Variants in AFF3 observed in about 807,000 individuals in gnomAD.
AFF3 encodes ALF transcription elongation factor 3, also known as AF4/FMR2 family member 3.
In AFF3, 32 loss-of-function variants were observed where a neutral mutation model predicts 129.7. That is an observed-to-expected ratio of 0.25 (90% CI 0.19 to 0.33). AFF3 has a LOEUF of 0.33. Among genes scored for constraint, AFF3 ranks in the 10% least tolerant of loss-of-function variants. The pLI is 1.00. For synonymous variants in AFF3, 644 were observed against 635.4 expected, an observed-to-expected ratio of 1.01 and a Z score of -0.20; for missense variants, 1,373 against 1,592.0, an observed-to-expected ratio of 0.86 and a Z score of 2.34.
intron 10 of AFF3, among the ~76,000 whole-genome samples, chr2:99,733,756 C>T (rs1020012546): frequency 6.6e-6 from 1 of 152,118 alleles, no homozygotes; most frequent in Admixed American, 6.6e-5. Flanking sequence ...TTTTCATACG[C>T]CTGTGGATCT....
chr2:100,046,173 G>A (rs1297728479), intron 4 of AFF3, among the ~76,000 whole-genome samples: 2 of 152,174 alleles, frequency 1.3e-5, no homozygotes, highest in African/African-American at 2.4e-5. Context: ...TGTAAGGCAT[G>A]TACTTAGCTG....
At chr2:99,706,772 A>G (rs1677435971) in intron 11 of AFF3, among the ~76,000 whole-genome samples, 1 of 152,232 alleles carries the variant, frequency 6.6e-6, no homozygotes, top group Admixed American at 6.5e-5. Flanking sequence ...CCAAACAACT[A>G]CAGAAATGAG....
chr2:99,557,021 T>C (rs1295300463), intron 22 of AFF3, among the ~76,000 whole-genome samples: 2 of 152,098 alleles, frequency 1.3e-5, no homozygotes, highest in Non-Finnish European at 1.5e-5. Flanking sequence ...TAATGATATA[T>C]AGTATACTTG....
At chr2:99,929,050 T>C (rs1696485708) in intron 7 of AFF3, among the ~76,000 whole-genome samples, 1 of 152,206 alleles carries the variant, frequency 6.6e-6, no homozygotes, top group African/African-American at 2.4e-5. Flanking sequence ...ATCAGTTTAA[T>C]ACATTTTGGA....
chr2:99,991,152 G>T (rs1442129631), intron 7 of AFF3, among the ~76,000 whole-genome samples: 1 of 152,178 alleles, frequency 6.6e-6, no homozygotes. Flanking sequence ...GGGATTAACA[G>T]AGAAAGGTAA....
intron 7 of AFF3, among the ~76,000 whole-genome samples, chr2:99,991,362 T>C (rs1680319033): frequency 6.7e-6 from 1 of 149,126 alleles, no homozygotes; most frequent in Non-Finnish European, 1.5e-5. Context: ...TCTCTTGTAA[T>C]CTGCGCAGAA....
At chr2:99,993,654 G>A (rs1680560833) in intron 7 of AFF3, among the ~76,000 whole-genome samples, 1 of 151,794 alleles carries the variant, frequency 6.6e-6, no homozygotes, top group African/African-American at 2.4e-5. Context: ...AGTGAATGTA[G>A]CTAAAAATAC....
At chr2:99,789,298 T>TG (rs1026616788) in intron 8 of AFF3, among the ~76,000 whole-genome samples, 3 of 151,814 alleles carry the variant, frequency 2.0e-5, no homozygotes, top group African/African-American at 7.3e-5. Context: ...TGGCAGTGCA[T>TG]GTAGCTGGGC....
intron 10 of AFF3, among the ~76,000 whole-genome samples, chr2:99,738,351 T>C (rs76421338): frequency 1.3e-5 from 2 of 152,288 alleles, no homozygotes; most frequent in Non-Finnish European, 2.9e-5. Context: ...TTCAACTTTA[T>C]ATTCAACGTT....
intron 13 of AFF3, among the ~76,000 whole-genome samples, chr2:99,609,788 C>T (rs1680741898): frequency 6.6e-6 from 1 of 152,172 alleles, no homozygotes; most frequent in African/African-American, 2.4e-5. Flanking sequence ...ATACCAAAAC[C>T]AGAAAACTGA....
At chr2:99,795,846 C>T (rs1046845229) in intron 8 of AFF3, among the ~76,000 whole-genome samples, 1 of 151,984 alleles carries the variant, frequency 6.6e-6, no homozygotes, top group Non-Finnish European at 1.5e-5. Flanking sequence ...GCACCTCATG[C>T]TATTCTATTA....
At position 99,565,473 on chromosome 2, in the gene AFF3, A is replaced by G. The variant is rs760095997; in HGVS notation, c.3119+14T>C. On this transcript the variant is annotated intron_variant, in intron 20 of 24. Coordinates refer to ENST00000672756, the MANE Select transcript of AFF3 (RefSeq NM_001386135.1). The stretch of plus-strand genomic sequence containing the variant: ...CACTCCTCCCCTCATCCAGCAAGAA[A>G]ACACGGTGCTTACCTGATGAGCTCT... The G allele has an allele frequency of 1.2e-6, 2 of 1,609,054 alleles. No homozygotes were observed. The highest frequency in any genetic ancestry group is 3.3e-5 in the Admixed American group (2 of 59,942).
At chr2:99,693,063 T>C (rs1675838626) in intron 11 of AFF3, among the ~76,000 whole-genome samples, 1 of 152,226 alleles carries the variant, frequency 6.6e-6, no homozygotes, top group Admixed American at 6.5e-5. Context: ...TTCCAGGGCA[T>C]TGCATAGAAT....
At chr2:99,652,898 C>T (rs1457421749) in intron 12 of AFF3, among the ~76,000 whole-genome samples, 1 of 152,182 alleles carries the variant, frequency 6.6e-6, no homozygotes, top group Non-Finnish European at 1.5e-5. Context: ...TACTGATCTT[C>T]TTGATAAGGA....
intron 2 of AFF3, among the ~76,000 whole-genome samples, chr2:100,112,699 A>G (rs532974462): frequency 6.6e-6 from 1 of 152,186 alleles, no homozygotes; most frequent in South Asian, 2.1e-4. Context: ...CCAATGGAAG[A>G]AAAAAAGAAA....
chr2:99,783,772 T>C (rs182188111), intron 8 of AFF3, among the ~76,000 whole-genome samples: 5 of 152,342 alleles, frequency 3.3e-5, no homozygotes, highest in African/African-American at 9.6e-5. Flanking sequence ...TGAAGGTATA[T>C]ATCCAGCCAC....
chr2:99,877,234 G>C (rs1692366864), intron 7 of AFF3, among the ~76,000 whole-genome samples: 1 of 152,174 alleles, frequency 6.6e-6, no homozygotes, highest in Non-Finnish European at 1.5e-5. Context: ...TTCTGGGTTG[G>C]ATGAATGACT....
intron 4 of AFF3, among the ~76,000 whole-genome samples, chr2:100,093,240 G>A (rs879348396): frequency 0.049 from 6,605 of 135,186 alleles, no homozygotes; most frequent in African/African-American, 0.13. Context: ...CCAAGTAGCT[G>A]GAACCACAGG....
intron 4 of AFF3, among the ~76,000 whole-genome samples, chr2:100,016,973 G>A (rs1034814606): frequency 6.6e-6 from 1 of 151,600 alleles, no homozygotes; most frequent in Non-Finnish European, 1.5e-5. Context: ...GATGGTGGTA[G>A]TGGTGGTAAT....
Sources: allele counts gnomAD v4.1 joint callset (sites outside exome capture counted in the v4.1 genomes callset), GRCh38; gene constraint gnomAD v4.1.1; transcripts MANE v1.5; gene names NCBI Gene and HGNC (gene_info 2026-07-23, HGNC 2026-07-21).